AIG1: variants seen among roughly 807,000 people sequenced by gnomAD.
The protein encoded by AIG1 is androgen induced 1, also known as androgen-induced gene 1 protein.
A neutral mutation model predicts 31.4 loss-of-function variants in AIG1; 23 were observed. That is an observed-to-expected ratio of 0.73 (90% CI 0.53 to 1.04). The LOEUF is 1.04. Ranked by LOEUF, AIG1 falls within the 50% of genes least tolerant of loss-of-function variation. AIG1 has a pLI of 0.00. For synonymous variants in AIG1, 100 were observed against 110.5 expected (o/e 0.90, Z 0.60); for missense variants, 274 against 295.0 (o/e 0.93, Z 0.52).
In AIG1 at chr6:143,155,596, T is replaced by C. The variant is rs531240908; in HGVS notation, c.298-9486T>C. 5.9e-5 allele frequency among the ~76,000 whole-genome samples: 9 copies of C among 152,070 alleles called. No individual in the cohort carries two copies. The South Asian group carries it at 8.3e-4, about 14-fold the overall frequency. On this transcript the variant is annotated intron_variant, in intron 2 of 5. Transcript: ENST00000357847. ...GTGTTGTGGGGGTCAAGGAGAGAAGTATGTCTGACAAGAAACTGGGGGGAG... is the reference window on the plus strand; with the variant it reads ...GTGTTGTGGGGGTCAAGGAGAGAAGCATGTCTGACAAGAAACTGGGGGGAG...
intron 3 of AIG1, among the ~76,000 whole-genome samples, chr6:143,208,502 A>C (rs1335214396): frequency 3.9e-5 from 6 of 152,228 alleles, no homozygotes; most frequent in Admixed American, 3.3e-4. Flanking sequence ...AGGAAGGGTC[A>C]GTGATGCTAG....
At position 143,333,387 on chromosome 6, in the gene AIG1, G is replaced by T; in HGVS notation, c.621G>T (p.Met207Ile). ...TCTTTGGGTCTACAACCATCTTAAT[G>T]AACTTCCTGTACCTGCTGGGAGAAG... The part of the protein sequence containing the change: ...IIFFGSTTIL[M>I]NFLYLLGEVL... Residue 207 changes from methionine to isoleucine, a missense_variant, in exon 5 of 6, where the codon ATG becomes ATT. Coordinates refer to ENST00000357847, the MANE Select transcript of AIG1 (RefSeq NM_016108.4). This position sits in a 1 kb window ranked among gnomAD's most constrained non-coding sequence, Gnocchi z 4.6. 1 of 1,613,936 alleles carries T rather than the reference G, an allele frequency of 6.2e-7. No homozygotes were observed. The highest frequency in any genetic ancestry group is 1.1e-5 in the South Asian group (1 of 91,022).
intron 4 of AIG1, among the ~76,000 whole-genome samples, chr6:143,312,938 A>G (rs1775421186): frequency 6.6e-6 from 1 of 152,206 alleles, no homozygotes; most frequent in African/African-American, 2.4e-5. Flanking sequence ...CAAATGGCTA[A>G]CTGGTATAGG....
chr6:143,232,569 A>G (rs965762466), intron 3 of AIG1, among the ~76,000 whole-genome samples: 4 of 152,204 alleles, frequency 2.6e-5, no homozygotes, highest in Non-Finnish European at 5.9e-5. Context: ...TAAACTCTAG[A>G]TAATAATCCT....
chr6:143,196,778 A>G (rs891569041), intron 3 of AIG1, among the ~76,000 whole-genome samples: 2 of 152,152 alleles, frequency 1.3e-5, no homozygotes, highest in African/African-American at 2.4e-5. Context: ...TGAGCATACA[A>G]ATCAGACATA....
rs957304620 is a variant in AIG1 at position 143,176,278 on chromosome 6, C to T, written c.399+11095C>T. ...TGTGCACTGGTTTTGTGTTGGTTGGCCTCCAGCCAGGAGGTGGCGCTATGA... is the reference window on the plus strand; with the variant it reads ...TGTGCACTGGTTTTGTGTTGGTTGGTCTCCAGCCAGGAGGTGGCGCTATGA... On this transcript the variant is annotated intron_variant, in intron 3 of 5. Transcript: ENST00000357847. Among the ~76,000 whole-genome samples the T allele has an allele frequency of 2.6e-5, 4 of 152,120 alleles. No homozygotes were observed. The South Asian group carries it at 8.3e-4, about 32-fold the overall frequency.
chr6:143,070,765 A>G (rs560156550), intron 1 of AIG1, among the ~76,000 whole-genome samples: 100 of 152,310 alleles, frequency 6.6e-4, no homozygotes, highest in African/African-American at 2.1e-3. Flanking sequence ...TCATGACTCA[A>G]TCACCTCTTA....
In AIG1 at chr6:143,171,476, TAATATATA is replaced by T. The variant is rs1787577048; in HGVS notation, c.399+6294_399+6301del. Among the ~76,000 whole-genome samples, 5 of 119,104 alleles carry T rather than the reference TAATATATA, an allele frequency of 4.2e-5. 1 individual carries two copies. The South Asian group carries it at 1.2e-3, about 28-fold the overall frequency. The allele number at this position is 119,104 out of a possible 152,430, so 78.1% of individuals were successfully genotyped here. ...ATTTAATATATATATTTAATATATA[TAATATATA>T]TTAAATATATAATATATATTTAATA... On this transcript the variant is annotated intron_variant, in intron 3 of 5. Transcript: ENST00000357847.
At chr6:143,257,959 G>A (rs1442014950) in intron 3 of AIG1, among the ~76,000 whole-genome samples, 2 of 152,152 alleles carry the variant, frequency 1.3e-5, no homozygotes, top group Non-Finnish European at 2.9e-5. Context: ...GCATATCCCT[G>A]CACAGTGGCT....
At chr6:143,343,759 T>G (rs147469204), downstream of AIG1, among the ~76,000 whole-genome samples, 33 of 152,336 alleles carry the variant, frequency 2.2e-4, no homozygotes, top group East Asian at 5.6e-3. Flanking sequence ...GAAATAAATG[T>G]ACAGGTTTGT....
intron 3 of AIG1, among the ~76,000 whole-genome samples, chr6:143,269,312 G>GT (rs765614298): frequency 2.0e-5 from 3 of 152,214 alleles, no homozygotes; most frequent in Non-Finnish European, 4.4e-5. Flanking sequence ...GAAAAAGACA[G>GT]TATCAAGTGC....
chr6:143,171,422 AATATATATAATATATATATAAT>A (rs1157364089), intron 3 of AIG1, among the ~76,000 whole-genome samples: 1 of 106,568 alleles, frequency 9.4e-6, no homozygotes, highest in Non-Finnish European at 1.7e-5. Context: ...ATATATATAT[AATATATATAATATATATATAAT>A]ATATATATTT....
intron 1 of AIG1, among the ~76,000 whole-genome samples, chr6:143,079,043 C>A (rs1339522154): frequency 6.6e-6 from 1 of 152,100 alleles, no homozygotes; most frequent in Non-Finnish European, 1.5e-5. Flanking sequence ...TCATGCGGTT[C>A]ACACAATTGG....
At chr6:143,222,805 G>C (rs570893072) in intron 3 of AIG1, among the ~76,000 whole-genome samples, 4 of 151,970 alleles carry the variant, frequency 2.6e-5, no homozygotes, top group East Asian at 1.9e-4. Flanking sequence ...TTGGTATTTC[G>C]GCTGGCTTCT....
intron 1 of AIG1, among the ~76,000 whole-genome samples, chr6:143,084,846 A>C (rs889534608): frequency 6.6e-6 from 1 of 152,018 alleles, no homozygotes; most frequent in South Asian, 2.1e-4. Context: ...ACCAATCTCC[A>C]TGTTCTGATT....
intron 5 of AIG1, among the ~76,000 whole-genome samples, chr6:143,337,792 C>T (rs1308896730): frequency 6.6e-6 from 1 of 152,170 alleles, no homozygotes; most frequent in Non-Finnish European, 1.5e-5. Context: ...GAGCCCTCCA[C>T]CGGCCTGCAG....
At position 143,231,640 on chromosome 6, in the gene AIG1, GTA is replaced by G. The variant is rs540782325; in HGVS notation, c.400-52466_400-52465del. ...AGAAAGTGTGAAGTTAGCTGTAATA[GTA>G]TATCTTATTTAATTCAACAAATACT... On this transcript the variant is annotated intron_variant, in intron 3 of 5. Coordinates refer to ENST00000357847, the MANE Select transcript of AIG1 (RefSeq NM_016108.4). Among the ~76,000 whole-genome samples, 24 of 152,190 alleles carry G rather than the reference GTA, an allele frequency of 1.6e-4. 1 individual carries two copies. Among genetic ancestry groups the G allele is most frequent in the Non-Finnish European group, 3.5e-4 (24 of 68,038 alleles).
At chr6:143,107,759 G>C (rs1483702495) in intron 1 of AIG1, among the ~76,000 whole-genome samples, 1 of 152,178 alleles carries the variant, frequency 6.6e-6, no homozygotes, top group African/African-American at 2.4e-5. Context: ...CGAGTTATAA[G>C]TCATTTCTGA....
At chr6:143,122,318 T>C (rs1782308365) in intron 1 of AIG1, among the ~76,000 whole-genome samples, 1 of 152,246 alleles carries the variant, frequency 6.6e-6, no homozygotes, top group African/African-American at 2.4e-5. Context: ...AAAAAATGTT[T>C]GTTGTTCTGT....
Sources: gnomAD v4.1 joint callset for allele counts (sites outside exome capture counted in the v4.1 genomes callset) on GRCh38, gnomAD v4.1.1 for gene constraint, Gnocchi (gnomAD v3.1) non-coding constraint, MANE v1.5 for transcripts, NCBI Gene and HGNC (gene_info 2026-07-23, HGNC 2026-07-21) for gene names.